KCNU1: variants seen among roughly 807,000 people sequenced by gnomAD.
KCNU1 encodes the protein potassium channel subfamily U member 1.
KCNU1 carries 93 observed loss-of-function variants against 126.8 expected under a neutral mutation model. The ratio of observed to expected loss-of-function variants is 0.73; its 90% CI spans 0.62 to 0.87. The LOEUF is 0.87. Ranked by LOEUF, KCNU1 falls within the 40% of genes least tolerant of loss-of-function variation. KCNU1 has a pLI of 0.00. For synonymous variants in KCNU1, 523 were observed against 494.2 expected (o/e 1.06, Z -0.77); for missense variants, 1,330 against 1,367.1 (o/e 0.97, Z 0.43).
intron 20 of KCNU1, among the ~76,000 whole-genome samples, chr8:36,908,578 G>A (rs962399813): frequency 7.4e-6 from 1 of 134,958 alleles, no homozygotes; most frequent in Admixed American, 8.8e-5. Flanking sequence ...GAAAACTATC[G>A]CAAGGACAGA....
intron 24 of KCNU1, among the ~76,000 whole-genome samples, chr8:36,929,443 T>C (rs1808634401): frequency 6.9e-6 from 1 of 143,972 alleles, no homozygotes; most frequent in Non-Finnish European, 1.5e-5. Context: ...AAACCATGAA[T>C]TGCTCAAAGG....
intron 19 of KCNU1, among the ~76,000 whole-genome samples, chr8:36,889,589 G>A (rs970007223): frequency 1.1e-4 from 16 of 151,760 alleles, no homozygotes; most frequent in Non-Finnish European, 1.8e-4. Context: ...GATATAAAAG[G>A]GCATAAAGAA....
chr8:36,865,485 G>T (rs561768031), intron 19 of KCNU1, among the ~76,000 whole-genome samples: 57 of 152,028 alleles, frequency 3.7e-4, no homozygotes, highest in African/African-American at 1.4e-3. Context: ...ATGGGATAGG[G>T]CTGGGCATAG....
rs1168574755 is a variant in KCNU1, at chr8:36,935,799, G to C, written c.3329G>C (p.Ser1110Thr). The C allele has an allele frequency of 6.2e-7, 1 of 1,613,362 alleles. No individual in the cohort carries two copies. Among genetic ancestry groups the C allele is most frequent in the South Asian group, 1.1e-5 (1 of 91,056 alleles). ...SFPKQIAWNQ[S>T]RTNSIISSQI... ...CCTAAGCAAATAGCATGGAATCAGA[G>C]TAGAACAAACAGTATTATATCATCT... The change falls in exon 27 of 27, where the codon AGT becomes ACT. Residue 1110 changes from serine to threonine, a missense_variant. Coordinates refer to ENST00000399881, the MANE Select transcript of KCNU1 (RefSeq NM_001031836.3).
chr8:36,789,456 C>T (rs984559949), intron 2 of KCNU1, among the ~76,000 whole-genome samples: 1 of 152,044 alleles, frequency 6.6e-6, no homozygotes, highest in Non-Finnish European at 1.5e-5. Flanking sequence ...CTTATAGTTC[C>T]TTCCTTCTAT....
At chr8:36,826,183 AT>A (rs1046574711) in intron 10 of KCNU1, among the ~76,000 whole-genome samples, 6 of 149,960 alleles carry the variant, frequency 4.0e-5, no homozygotes, top group Admixed American at 6.6e-5. Flanking sequence ...ATATGTCCTG[AT>A]TTTTTTTATT....
intron 18 of KCNU1, among the ~76,000 whole-genome samples, chr8:36,859,493 T>G (rs969468838): frequency 2.0e-5 from 3 of 152,196 alleles, no homozygotes; most frequent in African/African-American, 7.2e-5. Flanking sequence ...TCACAGCTAT[T>G]CCACTGATTA....
intron 19 of KCNU1, among the ~76,000 whole-genome samples, chr8:36,874,323 T>C (rs1028667826): frequency 2.0e-5 from 3 of 152,186 alleles, no homozygotes; most frequent in Non-Finnish European, 4.4e-5. Flanking sequence ...CTAAATGCTA[T>C]TCTGTTTTAC....
At chr8:36,891,784 A>G (rs1457335730) in intron 19 of KCNU1, among the ~76,000 whole-genome samples, 2 of 152,050 alleles carry the variant, frequency 1.3e-5, no homozygotes, top group Non-Finnish European at 2.9e-5. Flanking sequence ...ATGTTCTTCC[A>G]CTGCCTTCTG....
intron 26 of KCNU1, among the ~76,000 whole-genome samples, chr8:36,933,913 G>A (rs1213444404): frequency 2.0e-5 from 3 of 152,102 alleles, no homozygotes; most frequent in East Asian, 1.9e-4. Context: ...GGAAGAAATA[G>A]TATCAGGAGT....
intron 19 of KCNU1, among the ~76,000 whole-genome samples, chr8:36,890,749 G>T (rs1007758658): frequency 9.9e-5 from 15 of 151,758 alleles, no homozygotes; most frequent in African/African-American, 3.4e-4. Context: ...CTATATATAA[G>T]AAATCTACTT....
rs2117631001 is a variant in KCNU1 at position 36,936,110 on chromosome 8, A to C, written c.*190A>C. ...CCACTGGATCTTGTGTGATAAATAA[A>C]GAAATATATGATCAATGCTTCTGTA... On this transcript the variant is annotated 3_prime_UTR_variant, in exon 27 of 27. Coordinates refer to ENST00000399881, the MANE Select transcript of KCNU1 (RefSeq NM_001031836.3). 2.1e-6 allele frequency: 1 copy of C among 472,814 alleles called. No homozygotes were observed. Among genetic ancestry groups the C allele is most frequent in the Middle Eastern group, 3.7e-4 (1 of 2,714 alleles). 29.3% of individuals were successfully genotyped at this position (472,814 alleles called of 1,614,324 possible).
intron 2 of KCNU1, among the ~76,000 whole-genome samples, chr8:36,797,296 C>T (rs900457100): frequency 6.6e-6 from 1 of 151,690 alleles, no homozygotes; most frequent in Non-Finnish European, 1.5e-5. Context: ...CTGATATTTA[C>T]ATTTCTACTT....
intron 1 of KCNU1, among the ~76,000 whole-genome samples, chr8:36,785,073 A>G (rs1336581729): frequency 6.6e-6 from 1 of 152,242 alleles, no homozygotes; most frequent in African/African-American, 2.4e-5. Flanking sequence ...TGAAGACAAC[A>G]CATTGAGTTG....
At chr8:36,897,072 A>G (rs1807219432) in intron 19 of KCNU1, among the ~76,000 whole-genome samples, 1 of 152,050 alleles carries the variant, frequency 6.6e-6, no homozygotes, top group Non-Finnish European at 1.5e-5. Context: ...CTATGGGACA[A>G]TAGCAAAAAG....
rs569369260 is a variant in KCNU1, at chr8:36,805,428, T to C, written c.468+143T>C. The C allele has an allele frequency of 1.9e-3, 1,085 of 578,620 alleles. 3 individuals are homozygous for C. The highest frequency in any genetic ancestry group is 0.011 in the Middle Eastern group (41 of 3,742). The allele number at this position is 578,620 out of a possible 1,614,324, so 35.8% of individuals were successfully genotyped here. ...TCTGTGCCCTAACTTGTTAAATATA[T>C]ACTGATCCCTAAAAACTCTCTCTCC... On this transcript the variant is annotated intron_variant, in intron 4 of 26. Coordinates refer to ENST00000399881, the MANE Select transcript of KCNU1 (RefSeq NM_001031836.3).
At chr8:36,813,084 A>G (rs1803781949) in intron 7 of KCNU1, among the ~76,000 whole-genome samples, 1 of 152,152 alleles carries the variant, frequency 6.6e-6, no homozygotes, top group Non-Finnish European at 1.5e-5. Context: ...GTCTTGGAAA[A>G]CAGTGAAGAC....
intron 19 of KCNU1, among the ~76,000 whole-genome samples, chr8:36,895,458 G>A (rs1431786579): frequency 3.3e-5 from 5 of 152,084 alleles, no homozygotes; most frequent in East Asian, 1.9e-4. Flanking sequence ...CACTATTTCC[G>A]AACACTAAAT....
intron 18 of KCNU1, among the ~76,000 whole-genome samples, chr8:36,853,575 T>A (rs1183229123): frequency 3.3e-5 from 5 of 152,336 alleles, no homozygotes; most frequent in African/African-American, 1.2e-4. Context: ...TAATTTTCTC[T>A]TTTATTGTAT....
Sources: gnomAD v4.1 joint callset for allele counts (sites outside exome capture counted in the v4.1 genomes callset) on GRCh38, gnomAD v4.1.1 for gene constraint, MANE v1.5 for transcripts, NCBI Gene and HGNC (gene_info 2026-07-23, HGNC 2026-07-21) for gene names.